Variants in FGD4 observed in about 807,000 individuals in gnomAD.
FGD4 encodes FYVE, RhoGEF and PH domain-containing protein 4.
Under a neutral mutation model 102.0 loss-of-function variants are expected in FGD4, and 42 were observed. The ratio of observed to expected loss-of-function variants is 0.41; its 90% CI spans 0.32 to 0.53. FGD4 has a LOEUF of 0.53. Ranked by LOEUF, FGD4 falls within the 20% of genes least tolerant of loss-of-function variation. The pLI is 0.21. For missense variants in FGD4, 902 were observed against 1,078.2 expected (o/e 0.84, Z 2.29); for synonymous variants, 380 against 375.7 (o/e 1.01, Z -0.13).
At chr12:32,613,399 A>G (rs994999078) in intron 10 of FGD4, among the ~76,000 whole-genome samples, 4 of 152,232 alleles carry the variant, frequency 2.6e-5, no homozygotes, top group Admixed American at 1.3e-4. Flanking sequence ...AAATAAACCC[A>G]TAGTAACTTG....
intron 1 of FGD4, among the ~76,000 whole-genome samples, chr12:32,470,773 T>C (rs1178070652): frequency 6.6e-6 from 1 of 152,152 alleles, no homozygotes; most frequent in Non-Finnish European, 1.5e-5. Flanking sequence ...GGTTTCCTTG[T>C]CTCTTCCCAC....
intron 10 of FGD4, among the ~76,000 whole-genome samples, chr12:32,612,250 C>A (rs11052104): frequency 6.6e-6 from 1 of 152,130 alleles, no homozygotes; most frequent in Non-Finnish European, 1.5e-5. Flanking sequence ...ATGCTGGTGC[C>A]TAGAAATGCT....
intron 1 of FGD4, among the ~76,000 whole-genome samples, chr12:32,487,650 C>T (rs1296581175): frequency 2.6e-5 from 4 of 152,218 alleles, no homozygotes. Flanking sequence ...TGGTCTTGAA[C>T]TCCGGACCTC....
Position 32,458,101 on chromosome 12 carries a change from G to A in FGD4, c.166+58142G>A, listed in dbSNP as rs1942996036. On this transcript the variant is annotated intron_variant, in intron 1 of 16. Transcript: ENST00000534526. The stretch of plus-strand genomic sequence containing the variant: ...GTACAAATGAATACAGATTAAGAGG[G>A]AAACCTCAAACAGCCAATTTTTTTT... 2.6e-5 allele frequency among the ~76,000 whole-genome samples: 4 copies of A among 151,594 alleles called. No individual in the cohort carries two copies. In the South Asian group the frequency reaches 8.3e-4, roughly 31 times the overall value.
intron 10 of FGD4, among the ~76,000 whole-genome samples, chr12:32,612,562 C>T (rs1210487261): frequency 1.3e-5 from 2 of 152,214 alleles, no homozygotes; most frequent in Non-Finnish European, 2.9e-5. Context: ...ACTTTACACA[C>T]GTGGGATATG....
At chr12:32,448,344 G>C (rs978979732) in intron 1 of FGD4, among the ~76,000 whole-genome samples, 1 of 152,164 alleles carries the variant, frequency 6.6e-6, no homozygotes, top group Admixed American at 6.6e-5. Flanking sequence ...ATGGAGCAGA[G>C]TCATATGGAC....
chr12:32,512,318 G>A lies in FGD4; in HGVS notation c.167-51819G>A, dbSNP rs1347972412. Among the ~76,000 whole-genome samples the A allele has an allele frequency of 3.3e-5, 5 of 151,986 alleles. 1 individual carries two copies. The highest frequency in any genetic ancestry group is 4.2e-4 in the South Asian group (2 of 4,802). ...AAAAATTAGCTGGGCATGGTGGCAC[G>A]AGCCTGTAATCCCAGCTACTTGGGA... is the stretch of plus-strand genomic sequence containing the variant. On this transcript the variant is annotated intron_variant, in intron 1 of 16. Transcript: ENST00000534526.
intron 1 of FGD4, among the ~76,000 whole-genome samples, chr12:32,526,062 G>C (rs905889894): frequency 3.9e-5 from 6 of 152,194 alleles, no homozygotes; most frequent in African/African-American, 1.2e-4. Context: ...TGCGAGCGCA[G>C]GGGGCAGGAC....
chr12:32,440,649 A>G (rs1942401065), intron 1 of FGD4, among the ~76,000 whole-genome samples: 3 of 152,316 alleles, frequency 2.0e-5, no homozygotes, highest in Admixed American at 1.3e-4. Flanking sequence ...ATCTTGCCCA[A>G]GGTTTGCTAT....
At chr12:32,404,977 A>T (rs913998546) in intron 1 of FGD4, among the ~76,000 whole-genome samples, 3 of 152,102 alleles carry the variant, frequency 2.0e-5, no homozygotes, top group African/African-American at 7.2e-5. Context: ...TCTGTTGCCC[A>T]GGCTGGAGAG....
At chr12:32,525,936 C>T (rs1365887646) in intron 1 of FGD4, among the ~76,000 whole-genome samples, 1 of 152,244 alleles carries the variant, frequency 6.6e-6, no homozygotes, top group Non-Finnish European at 1.5e-5. Context: ...ACCTACAGCC[C>T]GCCATGCCTG....
At chr12:32,498,814 G>T (rs1332836419) in intron 1 of FGD4, among the ~76,000 whole-genome samples, 1 of 152,168 alleles carries the variant, frequency 6.6e-6, no homozygotes, top group Non-Finnish European at 1.5e-5. Flanking sequence ...TGTTGGTCAG[G>T]CTGGTCTCGA....
chr12:32,500,514 A>G (rs56838031), intron 1 of FGD4, among the ~76,000 whole-genome samples: 25,555 of 151,356 alleles, frequency 0.17, 3,089 homozygotes, highest in African/African-American at 0.34. Context: ...GCTCATTGCA[A>G]CCTCCGCCTC....
At chr12:32,593,778 T>C (rs1050276948) in intron 4 of FGD4, among the ~76,000 whole-genome samples, 2 of 152,322 alleles carry the variant, frequency 1.3e-5, no homozygotes, top group East Asian at 1.9e-4. Context: ...TTTAAAGATA[T>C]TGTCAGAATT....
chr12:32,445,284 G>T (rs765033676), intron 1 of FGD4, among the ~76,000 whole-genome samples: 1 of 152,200 alleles, frequency 6.6e-6, no homozygotes, highest in Non-Finnish European at 1.5e-5. Flanking sequence ...TTCATAATGT[G>T]ACTGTTTTAA....
intron 1 of FGD4, among the ~76,000 whole-genome samples, chr12:32,525,274 C>A (rs577250031): frequency 1.3e-5 from 2 of 152,282 alleles, no homozygotes; most frequent in East Asian, 1.9e-4. Flanking sequence ...AGTGCCCCAG[C>A]CTCATAACAA....
intron 12 of FGD4, chr12:32,624,675 T>C: frequency 1.5e-6 from 1 of 673,884 alleles, no homozygotes; most frequent in Non-Finnish European, 2.7e-6. Flanking sequence ...GGTTTTGCCA[T>C]GCTGCCCAGG....
intron 6 of FGD4, 95 bp downstream of exon 6, chr12:32,601,518 C>G (rs1948423380): frequency 1.4e-6 from 2 of 1,421,276 alleles, no homozygotes; most frequent in Non-Finnish European, 1.9e-6. Context: ...ACAACTGTAA[C>G]TAGACATTTA....
At chr12:32,625,356 G>A (rs1398176572) in intron 13 of FGD4, among the ~76,000 whole-genome samples, 4 of 143,554 alleles carry the variant, frequency 2.8e-5, no homozygotes, top group South Asian at 4.4e-4. Context: ...TGCAAACTCC[G>A]CCTCCCGGGT....
Sources: allele counts gnomAD v4.1 joint callset (sites outside exome capture counted in the v4.1 genomes callset), GRCh38; gene constraint gnomAD v4.1.1; transcripts MANE v1.5; gene names NCBI Gene and HGNC (gene_info 2026-07-23, HGNC 2026-07-21).